Variants in ST3GAL1 observed in about 807,000 individuals in gnomAD.
The protein encoded by ST3GAL1 is CMP-N-acetylneuraminate-beta-galactosamide-alpha-2,3-sialyltransferase 1.
Under a neutral mutation model 34.1 loss-of-function variants are expected in ST3GAL1, and 16 were observed. The ratio of observed to expected loss-of-function variants is 0.47; its 90% confidence interval spans 0.32 to 0.71. The LOEUF (loss-of-function observed/expected upper bound fraction) is 0.71. Among genes scored for constraint, ST3GAL1 ranks in the 30% least tolerant of loss-of-function variants. The probability of loss-of-function intolerance (pLI) is 0.04; values close to 1 mark genes in which losing one functional copy is unlikely to be tolerated. For synonymous variants in ST3GAL1, 191 were observed against 184.7 expected (o/e 1.03, Z -0.28); for missense variants, 353 against 447.4 (o/e 0.79, Z 1.90).
chr8:133,486,658 G>A (rs988312724), intron 3 of ST3GAL1, among the ~76,000 whole-genome samples: 2 of 152,172 alleles, frequency 1.3e-5, no homozygotes, highest in Non-Finnish European at 2.9e-5. Flanking sequence ...GGACTGGGGT[G>A]GACATTTCTC....
At chr8:133,530,429 G>A (rs1670098842) in intron 2 of ST3GAL1, among the ~76,000 whole-genome samples, 1 of 152,080 alleles carries the variant, frequency 6.6e-6, no homozygotes, top group African/African-American at 2.4e-5. Flanking sequence ...TTAAAGGCAT[G>A]TGCCACCACG....
intron 2 of ST3GAL1, among the ~76,000 whole-genome samples, chr8:133,506,346 C>T (rs1817336106): frequency 6.6e-6 from 1 of 152,260 alleles, no homozygotes; most frequent in Admixed American, 6.5e-5. Context: ...ACAAAGCGAT[C>T]TGCCCAGCTT....
intron 7 of ST3GAL1, among the ~76,000 whole-genome samples, chr8:133,464,027 T>G (rs566675407): frequency 7.7e-6 from 1 of 130,692 alleles, no homozygotes; most frequent in East Asian, 2.5e-4. Flanking sequence ...CACAGTCTCC[T>G]GCACCCACAT....
intron 1 of ST3GAL1, among the ~76,000 whole-genome samples, chr8:133,554,978 C>T (rs769937656): frequency 5.3e-5 from 8 of 152,100 alleles, no homozygotes; most frequent in African/African-American, 1.4e-4. Context: ...CTGCCAGCCA[C>T]GGCCTCCCAA....
intron 1 of ST3GAL1, among the ~76,000 whole-genome samples, chr8:133,551,080 C>A (rs529964741): frequency 9.9e-5 from 15 of 152,258 alleles, no homozygotes; most frequent in Admixed American, 9.2e-4. Flanking sequence ...TTATAGGGAT[C>A]TTTTCTGAGG....
At chr8:133,470,865 G>C (rs1360204291) in intron 5 of ST3GAL1, among the ~76,000 whole-genome samples, 1 of 152,130 alleles carries the variant, frequency 6.6e-6, no homozygotes, top group South Asian at 2.1e-4. Context: ...ACCTCACCCT[G>C]CACTCGGGCA....
intron 3 of ST3GAL1, among the ~76,000 whole-genome samples, chr8:133,490,772 C>T (rs1006957991): frequency 2.0e-5 from 3 of 152,180 alleles, no homozygotes; most frequent in Admixed American, 6.5e-5. Context: ...AAAGGGGAGC[C>T]CGGCTGGCTT....
intron 8 of ST3GAL1, among the ~76,000 whole-genome samples, chr8:133,463,110 C>T (rs960031042): frequency 3.9e-5 from 6 of 152,184 alleles, no homozygotes; most frequent in African/African-American, 7.2e-5. Context: ...CAGGGGTCCC[C>T]GGAGAATGTG....
intron 1 of ST3GAL1, among the ~76,000 whole-genome samples, chr8:133,549,614 T>C (rs896833657): frequency 1.3e-5 from 2 of 151,956 alleles, no homozygotes; most frequent in Non-Finnish European, 2.9e-5. Flanking sequence ...AAGTTGGCAA[T>C]GGCATTGGAT....
chr8:133,489,800 A>G (rs995193883), intron 3 of ST3GAL1: 2 of 152,090 alleles, frequency 1.3e-5, no homozygotes, highest in Non-Finnish European at 1.5e-5. Context: ...TGGCTTGACC[A>G]CCGCCCACTC....
intron 2 of ST3GAL1, among the ~76,000 whole-genome samples, chr8:133,540,782 T>TATATATATAGACATATATATATATAGAC (rs1563733942): frequency 9.7e-5 from 2 of 20,686 alleles, no homozygotes; most frequent in Non-Finnish European, 1.8e-4. Flanking sequence ...TATAGAGACA[T>TATATATATAGACATATATATATATAGAC]ATATATATAT....
intron 2 of ST3GAL1, among the ~76,000 whole-genome samples, chr8:133,542,435 T>A (rs986130323): frequency 6.6e-6 from 1 of 152,160 alleles, no homozygotes; most frequent in African/African-American, 2.4e-5. Flanking sequence ...CACAAAAGAC[T>A]GCAACCTATT....
intron 5 of ST3GAL1, among the ~76,000 whole-genome samples, chr8:133,474,387 A>T (rs959730097): frequency 6.6e-6 from 1 of 152,226 alleles, no homozygotes; most frequent in South Asian, 2.1e-4. Context: ...GATGCTTGGC[A>T]TATAGTAGGT....
intron 2 of ST3GAL1, among the ~76,000 whole-genome samples, chr8:133,513,809 G>A (rs1817564271): frequency 1.3e-5 from 2 of 151,914 alleles, no homozygotes; most frequent in South Asian, 4.2e-4. Flanking sequence ...TGAGGGAGGA[G>A]AATTGCTTGA....
chr8:133,518,174 C>T (rs1817698757), intron 2 of ST3GAL1, among the ~76,000 whole-genome samples: 1 of 152,204 alleles, frequency 6.6e-6, no homozygotes, highest in African/African-American at 2.4e-5. Context: ...ATGCTGCCTG[C>T]CATCCCCTGG....
intron 3 of ST3GAL1, among the ~76,000 whole-genome samples, chr8:133,479,430 A>T (rs1816301956): frequency 6.6e-6 from 1 of 152,192 alleles, no homozygotes; most frequent in South Asian, 2.1e-4. Flanking sequence ...TGGGTGACAT[A>T]GAAACCTGCT....
At chr8:133,513,291 A>G (rs1817549452) in intron 2 of ST3GAL1, among the ~76,000 whole-genome samples, 1 of 152,170 alleles carries the variant, frequency 6.6e-6, no homozygotes, top group African/African-American at 2.4e-5. Context: ...TCTCCTGAGA[A>G]CTAAAGACCT....
At chr8:133,497,085 G>A (rs1040783340) in intron 3 of ST3GAL1, among the ~76,000 whole-genome samples, 1 of 152,216 alleles carries the variant, frequency 6.6e-6, no homozygotes, top group Non-Finnish European at 1.5e-5. Flanking sequence ...CCTAATGGCT[G>A]TGCCAAGACA....
At chr8:133,561,549 G>T (rs1383180803) in intron 1 of ST3GAL1, among the ~76,000 whole-genome samples, 1 of 152,132 alleles carries the variant, frequency 6.6e-6, no homozygotes, top group Non-Finnish European at 1.5e-5. Context: ...CGTGGTGGTT[G>T]TGTTATGTTA....
Sources: gnomAD v4.1 joint callset for allele counts (sites outside exome capture counted in the v4.1 genomes callset) on GRCh38, gnomAD v4.1.1 for gene constraint, MANE v1.5 for transcripts, NCBI Gene and HGNC (gene_info 2026-07-23, HGNC 2026-07-21) for gene names.